Variants in ZNF469 observed in about 807,000 individuals in gnomAD.
The protein encoded by ZNF469 is zinc finger protein 469.
In ZNF469, 1 loss-of-function variant was observed where a neutral mutation model predicts 1.0. That is an observed-to-expected ratio of 1.00 (90% confidence interval 0.35 to 4.73). The LOEUF is 4.73. Among genes scored for constraint, ZNF469 ranks in the 30% most tolerant of loss-of-function variants. The pLI, the probability that ZNF469 is intolerant of heterozygous loss-of-function variation, is 0.16. For synonymous variants in ZNF469, 2,703 were observed against 2,363.4 expected (o/e 1.14, Z -4.17); for missense variants, 6,100 against 5,356.3 (o/e 1.14, Z -4.33).
chr16:88,402,657 C>T (rs1904915359), intron 1 of ZNF469, among the ~76,000 whole-genome samples: 1 of 152,186 alleles, frequency 6.6e-6, no homozygotes, highest in African/African-American at 2.4e-5. Context: ...CCACCGTCAC[C>T]TGCTTTCTCA....
chr16:88,251,647 C>T, the ZNF469 span, among the ~76,000 whole-genome samples: 34 of 145,676 alleles, frequency 2.3e-4, no homozygotes, highest in Non-Finnish European at 4.8e-4. Flanking sequence ...CAACCTCCAC[C>T]TCCCGGGTTC....
chr16:88,416,678 A>G (rs964510994), intron 1 of ZNF469, among the ~76,000 whole-genome samples: 1 of 152,232 alleles, frequency 6.6e-6, no homozygotes, highest in Non-Finnish European at 1.5e-5. Context: ...GGTTTCTAGC[A>G]TCAACAAGCA....
the ZNF469 span, among the ~76,000 whole-genome samples, chr16:88,129,654 G>C: frequency 6.6e-6 from 1 of 152,126 alleles, no homozygotes; most frequent in African/African-American, 2.4e-5. Flanking sequence ...AAGATTTTGA[G>C]ACCAGCCTAG....
the ZNF469 span, among the ~76,000 whole-genome samples, chr16:88,316,545 C>CTTTTTT: frequency 5.9e-3 from 597 of 100,940 alleles, 71 homozygotes; most frequent in African/African-American, 0.018. Flanking sequence ...TAGGTGCTGT[C>CTTTTTT]TTTTTTTTTT....
chr16:88,303,212 T>C, the ZNF469 span, among the ~76,000 whole-genome samples: 29 of 152,318 alleles, frequency 1.9e-4, no homozygotes, highest in African/African-American at 7.0e-4. Context: ...TCCAGAGCTG[T>C]ACCCTCCAGC....
At chr16:88,281,707 A>G in the ZNF469 span, among the ~76,000 whole-genome samples, 1 of 147,874 alleles carries the variant, frequency 6.8e-6, no homozygotes, top group African/African-American at 2.5e-5. Context: ...CCATGTAGAT[A>G]TCAGTGCATG....
the ZNF469 span, among the ~76,000 whole-genome samples, chr16:88,325,202 T>TCC: frequency 4.5e-5 from 5 of 110,844 alleles, no homozygotes; most frequent in African/African-American, 8.8e-5. Flanking sequence ...CTCCAGGTGG[T>TCC]CGCGACAGCA....
chr16:88,437,047 C>T lies in ZNF469; in HGVS notation c.9577C>T (p.His3193Tyr). 1 of 1,535,914 alleles carries T rather than the reference C, an allele frequency of 6.5e-7. No individual in the cohort carries two copies. The change falls in exon 3 of 3, where the codon CAC becomes TAC. Residue 3193 changes from histidine (H) to tyrosine (Y), a missense_variant. Transcript: ENST00000565624. Reference protein sequence around the residue: ...EVADVWMYNEHLREHAVRFAR... With the variant: ...EVADVWMYNEYLREHAVRFAR... Reference sequence around the variant, plus strand: ...GGCCGACGTCTGGATGTACAACGAGCACCTGCGTGAGCACGCGGTCCGCTT... The same window carrying T: ...GGCCGACGTCTGGATGTACAACGAGTACCTGCGTGAGCACGCGGTCCGCTT...
the ZNF469 span, among the ~76,000 whole-genome samples, chr16:88,239,782 C>G: frequency 1.4e-5 from 2 of 138,606 alleles, no homozygotes; most frequent in Non-Finnish European, 3.1e-5. Flanking sequence ...GGATGGTCTC[C>G]ATCTCCTGAC....
At chr16:88,381,111 C>G (rs111065453), upstream of ZNF469, among the ~76,000 whole-genome samples, 1 of 146,404 alleles carries the variant, frequency 6.8e-6, no homozygotes, top group Non-Finnish European at 1.5e-5. Context: ...GACATGCACT[C>G]GCACACACGC....
chr16:88,264,410 C>T, the ZNF469 span, among the ~76,000 whole-genome samples: 2 of 152,018 alleles, frequency 1.3e-5, no homozygotes, highest in South Asian at 4.2e-4. Flanking sequence ...TGTCTCCAAG[C>T]CTGGGGTGCT....
At chr16:88,168,922 C>CT in the ZNF469 span, among the ~76,000 whole-genome samples, 1 of 142,970 alleles carries the variant, frequency 7.0e-6, no homozygotes, top group Admixed American at 7.0e-5. This position sits in a 1 kb window ranked among gnomAD's most constrained non-coding sequence, Gnocchi z 4.3. Context: ...ATAGTGAGAC[C>CT]CCCCCCTCTA....
chr16:88,345,828 G>A, the ZNF469 span, among the ~76,000 whole-genome samples: 7 of 152,268 alleles, frequency 4.6e-5, no homozygotes, highest in Admixed American at 3.3e-4. Flanking sequence ...CAGCCCGCCC[G>A]CCAGGCCCCA....
At chr16:88,208,198 C>G in the ZNF469 span, among the ~76,000 whole-genome samples, 6 of 151,862 alleles carry the variant, frequency 4.0e-5, no homozygotes, top group African/African-American at 1.4e-4. Flanking sequence ...CCCCTTCAAG[C>G]CAATTCCTGT....
rs766704042 is a variant in ZNF469 at position 88,427,524 on chromosome 16, G to T, written c.54G>T (p.Leu18=). Residue 18 remains leucine (L), a synonymous_variant, in exon 3 of 3, where the codon CTG becomes CTT. Transcript: ENST00000565624. ...CGCCCCCCACCATGACTGGAGACCT[G>T]CAGCCCCGCCAAGTTGCCAGCAGCC... ...GAPPPTMTGD[L]QPRQVASSPG... The T allele has an allele frequency of 6.5e-7, 1 of 1,535,066 alleles. No individual in the cohort carries two copies.
the ZNF469 span, among the ~76,000 whole-genome samples, chr16:88,149,393 T>A: frequency 6.6e-6 from 1 of 152,144 alleles, no homozygotes. Flanking sequence ...CCCTTATCTG[T>A]CAGGCCGGTG....
chr16:88,436,478 C>G lies in ZNF469; in HGVS notation c.9008C>G (p.Pro3003Arg). The stretch of plus-strand genomic sequence containing the variant: ...GCGGCTTGGCGAGGCCTGGAGATGC[C>G]GGCCCCTGCCGATGACTCCTCCTCT... ...VPAAWRGLEM[P>R]APADDSSSSL... Residue 3003 changes from proline to arginine, a missense_variant, in exon 3 of 3, where the codon CCG (proline) becomes CGG (arginine). Physicochemically the swap from Pro to Arg is moderately radical, Grantham distance 103. Transcript: ENST00000565624. 1.3e-6 allele frequency: 2 copies of G among 1,546,794 alleles called. No individual in the cohort carries two copies. The highest frequency in any genetic ancestry group is 1.7e-6 in the Non-Finnish European group (2 of 1,146,956).
intron 1 of ZNF469, among the ~76,000 whole-genome samples, chr16:88,413,725 G>C (rs1414756655): frequency 6.6e-6 from 1 of 152,218 alleles, no homozygotes; most frequent in Non-Finnish European, 1.5e-5. Context: ...GCTGACTGCA[G>C]CTGTGGTCCG....
chr16:88,171,394 G>T, the ZNF469 span, among the ~76,000 whole-genome samples: 12 of 152,224 alleles, frequency 7.9e-5, no homozygotes, highest in Non-Finnish European at 1.6e-4. Flanking sequence ...GCACCCAGAA[G>T]CTCAGTGTAA....
Sources: gnomAD v4.1 joint callset for allele counts (sites outside exome capture counted in the v4.1 genomes callset) on GRCh38, gnomAD v4.1.1 for gene constraint, Gnocchi (gnomAD v3.1) non-coding constraint, MANE v1.5 for transcripts, NCBI Gene and HGNC (gene_info 2026-07-23, HGNC 2026-07-21) for gene names.